The following CDH12 variants were observed in gnomAD, a reference collection of about 807,000 sequenced individuals.
CDH12 encodes the protein cadherin-12.
Under a neutral mutation model 74.1 loss-of-function variants are expected in CDH12, and 41 were observed. The observed-to-expected ratio is 0.55, with a 90% CI of 0.43 to 0.72. The LOEUF is 0.72. CDH12 is among the 30% of genes least tolerant of loss of function. The probability of loss-of-function intolerance (pLI) is 0.00; values close to 1 mark genes in which losing one functional copy is unlikely to be tolerated. For synonymous variants in CDH12, 399 were observed against 355.0 expected (o/e 1.12, Z -1.39); for missense variants, 945 against 977.2 (o/e 0.97, Z 0.44).
intron 1 of CDH12, among the ~76,000 whole-genome samples, chr5:22,654,739 G>C (rs1739944901): frequency 1.3e-5 from 2 of 151,270 alleles, no homozygotes; most frequent in Admixed American, 1.3e-4. Flanking sequence ...GGTTCAAGCG[G>C]TTCTCTTGCC....
intron 6 of CDH12, among the ~76,000 whole-genome samples, chr5:21,936,717 C>T (rs1226992517): frequency 6.6e-6 from 1 of 152,090 alleles, no homozygotes; most frequent in East Asian, 1.9e-4. Context: ...GAATTGTAAT[C>T]CCCATGTGTC....
chr5:22,223,182 T>C (rs528147408), intron 3 of CDH12, among the ~76,000 whole-genome samples: 1 of 152,056 alleles, frequency 6.6e-6, no homozygotes, highest in Admixed American at 6.6e-5. Flanking sequence ...AACACATGTG[T>C]TAAAGTTCTG....
intron 1 of CDH12, among the ~76,000 whole-genome samples, chr5:22,774,190 G>T (rs1746967480): frequency 6.6e-6 from 1 of 151,988 alleles, no homozygotes; most frequent in Admixed American, 6.6e-5. Flanking sequence ...GTTCATTGTA[G>T]CACTATTCAC....
At chr5:22,735,332 G>A (rs1240335859) in intron 1 of CDH12, among the ~76,000 whole-genome samples, 1 of 151,812 alleles carries the variant, frequency 6.6e-6, no homozygotes, top group Non-Finnish European at 1.5e-5. Context: ...ATGATACAGG[G>A]TTACCCTTCA....
intron 3 of CDH12, among the ~76,000 whole-genome samples, chr5:22,353,087 C>G (rs1740422391): frequency 6.6e-6 from 1 of 152,112 alleles, no homozygotes; most frequent in African/African-American, 2.4e-5. Flanking sequence ...TGAAAACAAA[C>G]AAACAACAAC....
In CDH12 at chr5:22,728,065, AAT is replaced by A. The variant is rs1398175493; in HGVS notation, c.-523+124991_-523+124992del. On this transcript the variant is annotated intron_variant, in intron 1 of 14. Coordinates refer to ENST00000382254, the MANE Select transcript of CDH12 (RefSeq NM_004061.5). ...TTATTATAATGTGAGATTTCAATTA[AAT>A]ATGTTATCTCTTCTAATATTACTGT... Among the ~76,000 whole-genome samples the A allele has an allele frequency of 1.3e-5, 2 of 151,834 alleles. 1 individual carries two copies. The highest frequency in any genetic ancestry group is 2.9e-5 in the Non-Finnish European group (2 of 67,874).
At chr5:22,812,367 G>A (rs570085696) in intron 1 of CDH12, among the ~76,000 whole-genome samples, 1 of 152,218 alleles carries the variant, frequency 6.6e-6, no homozygotes, top group Non-Finnish European at 1.5e-5. Flanking sequence ...CACCCTGTCC[G>A]TCTCCTCTGC....
intron 10 of CDH12, among the ~76,000 whole-genome samples, chr5:21,796,880 C>T (rs1424649386): frequency 6.6e-6 from 1 of 152,080 alleles, no homozygotes; most frequent in East Asian, 1.9e-4. Context: ...TGAAAAGCCC[C>T]TACTTCACTA....
chr5:22,121,857 C>T (rs901630380), intron 4 of CDH12, among the ~76,000 whole-genome samples: 15 of 151,944 alleles, frequency 9.9e-5, no homozygotes, highest in East Asian at 1.9e-4. Flanking sequence ...GTTACAAATC[C>T]GCCATCAAAG....
At chr5:22,837,767 A>T (rs1440451712) in intron 1 of CDH12, among the ~76,000 whole-genome samples, 1 of 152,208 alleles carries the variant, frequency 6.6e-6, no homozygotes, top group Non-Finnish European at 1.5e-5. Context: ...TAGAATTTAC[A>T]TGGAAACTAT....
intron 4 of CDH12, among the ~76,000 whole-genome samples, chr5:22,129,593 T>G (rs1484614498): frequency 6.6e-6 from 1 of 152,140 alleles, no homozygotes; most frequent in Non-Finnish European, 1.5e-5. Context: ...CTTTGAATGT[T>G]AAGACAAAGA....
rs79131030 is a variant in CDH12 at position 21,783,317 on chromosome 5, G to T, written c.1393+41C>A. ...CTCATTTAAGAGTCTTAAATCCAAAGAACTGCAGTATAACATTGATTCTGT... is the reference window on the plus strand; with the variant it reads ...CTCATTTAAGAGTCTTAAATCCAAATAACTGCAGTATAACATTGATTCTGT... On this transcript the variant is annotated intron_variant, in intron 11 of 14. Coordinates refer to ENST00000382254, the MANE Select transcript of CDH12 (RefSeq NM_004061.5). 768 of 1,571,442 alleles carry T rather than the reference G, an allele frequency of 4.9e-4. 4 individuals carry two copies. The African/African-American group carries it at 9.5e-3, about 20-fold the overall frequency.
intron 3 of CDH12, among the ~76,000 whole-genome samples, chr5:22,298,362 A>T (rs1326112539): frequency 1.3e-5 from 2 of 151,842 alleles, no homozygotes; most frequent in African/African-American, 2.4e-5. Flanking sequence ...ATTCTTTCTT[A>T]CCCTTTAAAT....
At chr5:22,398,944 A>C (rs1742586341) in intron 3 of CDH12, among the ~76,000 whole-genome samples, 1 of 152,014 alleles carries the variant, frequency 6.6e-6, no homozygotes, top group South Asian at 2.1e-4. Context: ...CTTTCCTTAC[A>C]TAGCCCTATG....
intron 3 of CDH12, among the ~76,000 whole-genome samples, chr5:22,359,790 T>A (rs567383379): frequency 2.0e-5 from 3 of 152,036 alleles, no homozygotes; most frequent in African/African-American, 4.8e-5. Context: ...TCAAAACCAC[T>A]CAACTACATG....
At chr5:21,859,711 A>G (rs1374171141) in intron 6 of CDH12, among the ~76,000 whole-genome samples, 1 of 151,994 alleles carries the variant, frequency 6.6e-6, no homozygotes, top group African/African-American at 2.4e-5. Flanking sequence ...TGATTCCATT[A>G]AACTGGAAGT....
chr5:22,446,402 T>A (rs944772088), intron 2 of CDH12, among the ~76,000 whole-genome samples: 41 of 152,096 alleles, frequency 2.7e-4, no homozygotes, highest in Non-Finnish European at 7.4e-5. Flanking sequence ...GGTTATATTT[T>A]AAAATGTGGG....
chr5:22,848,830 A>T (rs1202491411), intron 1 of CDH12, among the ~76,000 whole-genome samples: 1 of 152,080 alleles, frequency 6.6e-6, no homozygotes, highest in African/African-American at 2.4e-5. Flanking sequence ...TATTTTGTAG[A>T]TAATCTGTCT....
At chr5:22,669,795 T>A (rs1267712487) in intron 1 of CDH12, among the ~76,000 whole-genome samples, 4 of 152,156 alleles carry the variant, frequency 2.6e-5, no homozygotes, top group African/African-American at 9.7e-5. Flanking sequence ...CAAAATACAT[T>A]CTCTATTGTT....
Sources: allele counts gnomAD v4.1 joint callset (sites outside exome capture counted in the v4.1 genomes callset), GRCh38; gene constraint gnomAD v4.1.1; transcripts MANE v1.5; gene names NCBI Gene and HGNC (gene_info 2026-07-23, HGNC 2026-07-21).